Variants in INPP4B observed in about 807,000 individuals in gnomAD.
INPP4B encodes the protein inositol polyphosphate-4-phosphatase type II B.
A neutral mutation model predicts 122.5 loss-of-function variants in INPP4B; 55 were observed. That is an observed-to-expected ratio of 0.45 (90% CI 0.36 to 0.56). The LOEUF (loss-of-function observed/expected upper bound fraction) is 0.56, where lower values mean the gene tolerates loss of function less well. Among genes scored for constraint, INPP4B ranks in the 20% least tolerant of loss-of-function variants. The pLI, the probability that INPP4B is intolerant of heterozygous loss-of-function variation, is 0.00. For missense variants in INPP4B, 1,000 were observed against 1,097.7 expected (o/e 0.91, Z 1.26); for synonymous variants, 403 against 388.7 (o/e 1.04, Z -0.43).
chr4:142,305,426 T>G, intron 9 of INPP4B, 32 bp downstream of exon 9: 1 of 1,509,510 alleles, frequency 6.6e-7, no homozygotes, highest in Non-Finnish European at 9.1e-7. Flanking sequence ...GTTATTAACT[T>G]TAACAGTATT....
At chr4:142,388,920 G>T (rs1796802931) in intron 7 of INPP4B, among the ~76,000 whole-genome samples, 1 of 152,106 alleles carries the variant, frequency 6.6e-6, no homozygotes, top group African/African-American at 2.4e-5. Flanking sequence ...TCCTAAGCCT[G>T]TGTTTCCAAG....
At chr4:142,143,152 T>C (rs1431109306) in intron 18 of INPP4B, among the ~76,000 whole-genome samples, 2 of 152,224 alleles carry the variant, frequency 1.3e-5, no homozygotes, top group African/African-American at 2.4e-5. Flanking sequence ...CTTGGTTTTT[T>C]ACTAACTGAA....
Position 142,734,745 on chromosome 4 carries a change from G to C in INPP4B, c.-253-8844C>G, listed in dbSNP as rs331940. ...ACTGCAACCTCCGCCTCCCGGGATC[G>C]AGCGATTCTCTTGCCTTAGCCTCCC... On this transcript the variant is annotated intron_variant, in intron 1 of 25. Coordinates refer to ENST00000262992, the MANE Select transcript of INPP4B (RefSeq NM_001101669.3). Among the ~76,000 whole-genome samples, 1,342 of 151,960 alleles carry C rather than the reference G, an allele frequency of 8.8e-3. 26 individuals carry two copies. The highest frequency in any genetic ancestry group is 0.031 in the African/African-American group (1,279 of 41,442).
At position 142,382,752 on chromosome 4, in the gene INPP4B, G is replaced by A. The variant is rs190640607; in HGVS notation, c.372+20186C>T. Among the ~76,000 whole-genome samples, 572 of 149,272 alleles carry A rather than the reference G, an allele frequency of 3.8e-3. 3 individuals are homozygous for A. Among genetic ancestry groups the A allele is most frequent in the African/African-American group, 0.013 (532 of 40,688 alleles). ...ACAAACTTATTAAATGAACACATTAGGTCTTTATTTACCAAGGTGTCTTGG... is the reference window on the plus strand; with the variant it reads ...ACAAACTTATTAAATGAACACATTAAGTCTTTATTTACCAAGGTGTCTTGG... On this transcript the variant is annotated intron_variant, in intron 7 of 25. Coordinates refer to ENST00000262992, the MANE Select transcript of INPP4B (RefSeq NM_001101669.3).
At chr4:142,752,433 A>G (rs755722075) in intron 1 of INPP4B, among the ~76,000 whole-genome samples, 2 of 152,010 alleles carry the variant, frequency 1.3e-5, no homozygotes, top group Non-Finnish European at 2.9e-5. Context: ...AAGAATCACA[A>G]CCTGAATTTC....
intron 2 of INPP4B, chr4:142,496,764 T>C (rs1580211980): frequency 6.6e-6 from 1 of 152,326 alleles, no homozygotes; most frequent in East Asian, 1.9e-4. Flanking sequence ...GGATTACTCA[T>C]GCTTTCAATT....
chr4:142,241,333 GT>G (rs1859314351), intron 11 of INPP4B, among the ~76,000 whole-genome samples: 1 of 151,998 alleles, frequency 6.6e-6, no homozygotes, highest in Admixed American at 6.6e-5. Context: ...TCATTGTATT[GT>G]GATGACAATG....
chr4:142,216,602 C>A (rs1375035630), intron 12 of INPP4B, among the ~76,000 whole-genome samples: 1 of 152,178 alleles, frequency 6.6e-6, no homozygotes, highest in South Asian at 2.1e-4. Context: ...TACTTTTTGT[C>A]TATATGGATC....
At chr4:142,059,434 TTAATC>T (rs1759440376) in intron 25 of INPP4B, among the ~76,000 whole-genome samples, 1 of 152,144 alleles carries the variant, frequency 6.6e-6, no homozygotes, top group South Asian at 2.1e-4. Context: ...CCTAAAAGAC[TTAATC>T]TATCATCATG....
chr4:142,293,099 C>T (rs916688885), intron 9 of INPP4B, among the ~76,000 whole-genome samples: 3 of 147,014 alleles, frequency 2.0e-5, no homozygotes, highest in Non-Finnish European at 3.0e-5. Context: ...AGTGCAATGG[C>T]GTGATTTTGG....
chr4:142,333,010 C>CAAAA (rs1158290884), intron 7 of INPP4B, among the ~76,000 whole-genome samples: 8 of 43,414 alleles, frequency 1.8e-4, no homozygotes, highest in African/African-American at 2.9e-4. Flanking sequence ...GACTCCGTCT[C>CAAAA]AAAAAAAAAA....
intron 1 of INPP4B, among the ~76,000 whole-genome samples, chr4:142,755,055 T>A (rs1770315419): frequency 3.3e-5 from 5 of 152,046 alleles, no homozygotes; most frequent in Non-Finnish European, 7.4e-5. Context: ...CATACTTCAA[T>A]CACAGTGAAT....
chr4:142,388,051 A>G (rs1796512667), intron 7 of INPP4B, among the ~76,000 whole-genome samples: 1 of 152,156 alleles, frequency 6.6e-6, no homozygotes, highest in Non-Finnish European at 1.5e-5. Flanking sequence ...TCCACAAACA[A>G]CTTCCAAGTT....
chr4:142,359,221 CAAACA>C (rs1370151028), intron 7 of INPP4B, among the ~76,000 whole-genome samples: 1 of 145,922 alleles, frequency 6.9e-6, no homozygotes, highest in African/African-American at 2.5e-5. Flanking sequence ...AACAAACAAA[CAAACA>C]AAAAAAAAAA....
At chr4:142,287,454 T>C (rs540580962) in intron 9 of INPP4B, 2 of 152,308 alleles carry the variant, frequency 1.3e-5, no homozygotes, top group South Asian at 4.1e-4. Context: ...AAATGAGTTC[T>C]CTGTTGGTTA....
chr4:142,298,293 T>G (rs1759705657), intron 9 of INPP4B, among the ~76,000 whole-genome samples: 1 of 152,134 alleles, frequency 6.6e-6, no homozygotes, highest in African/African-American at 2.4e-5. Flanking sequence ...TAGACCTGTC[T>G]GAAAACGGGA....
At chr4:142,272,615 C>A (rs1554023227) in intron 9 of INPP4B, among the ~76,000 whole-genome samples, 1 of 151,828 alleles carries the variant, frequency 6.6e-6, no homozygotes, top group African/African-American at 2.4e-5. Context: ...TAACTCTAAT[C>A]CTGGGATGGC....
At chr4:142,443,590 G>A (rs894511537) in intron 3 of INPP4B, among the ~76,000 whole-genome samples, 2 of 152,090 alleles carry the variant, frequency 1.3e-5, no homozygotes, top group Non-Finnish European at 2.9e-5. Context: ...AACCAAGCAT[G>A]AAAGATGACG....
intron 9 of INPP4B, among the ~76,000 whole-genome samples, chr4:142,301,879 GT>G (rs1244682005): frequency 2.0e-5 from 3 of 152,086 alleles, no homozygotes; most frequent in African/African-American, 7.2e-5. Context: ...ATCTGTGGTT[GT>G]TTAAATACTT....
Sources: allele counts gnomAD v4.1 joint callset (sites outside exome capture counted in the v4.1 genomes callset), GRCh38; gene constraint gnomAD v4.1.1; transcripts MANE v1.5; gene names NCBI Gene and HGNC (gene_info 2026-07-23, HGNC 2026-07-21).